The following CEP128 variants were observed in gnomAD, a reference collection of about 807,000 sequenced individuals.
CEP128 encodes the protein centrosomal protein 128kDa.
Under a neutral mutation model 156.7 loss-of-function variants are expected in CEP128, and 132 were observed. That is an observed-to-expected ratio of 0.84 (90% CI 0.73 to 0.97). The LOEUF is 0.97. Among genes scored for constraint, CEP128 ranks in the 50% least tolerant of loss-of-function variants. The pLI is 0.00. For missense variants in CEP128, 1,252 were observed against 1,281.9 expected, an observed-to-expected ratio of 0.98 and a Z score of 0.36; for synonymous variants, 469 against 448.9, an observed-to-expected ratio of 1.04 and a Z score of -0.57.
chr14:80,680,667 A>T (rs1240980715), intron 19 of CEP128, among the ~76,000 whole-genome samples: 3 of 152,144 alleles, frequency 2.0e-5, no homozygotes, highest in African/African-American at 4.8e-5. Flanking sequence ...ATCTCCAAGA[A>T]TCTGAAGGAT....
intron 19 of CEP128, among the ~76,000 whole-genome samples, chr14:80,722,912 C>T (rs1203693566): frequency 6.0e-5 from 9 of 150,960 alleles, no homozygotes; most frequent in African/African-American, 1.5e-4. Flanking sequence ...CTGCAAGCTC[C>T]GCCTCCTGGG....
intron 19 of CEP128, among the ~76,000 whole-genome samples, chr14:80,664,741 G>A (rs1895543265): frequency 6.6e-6 from 1 of 152,114 alleles, no homozygotes; most frequent in South Asian, 2.1e-4. Context: ...TGTGACTGCA[G>A]GATATCTCAG....
chr14:80,527,069 A>G (rs1185013199), intron 22 of CEP128, 87 bp from the exon 23 acceptor site: 3 of 647,268 alleles, frequency 4.6e-6, no homozygotes, highest in African/African-American at 1.8e-5. Context: ...GTCTATATGT[A>G]GATAAAAATG....
intron 19 of CEP128, among the ~76,000 whole-genome samples, chr14:80,682,473 T>C (rs964230280): frequency 9.8e-5 from 15 of 152,348 alleles, no homozygotes; most frequent in African/African-American, 3.4e-4. Context: ...TAGGAATTAT[T>C]GGCATTCCTG....
intron 21 of CEP128, among the ~76,000 whole-genome samples, chr14:80,550,760 A>G (rs189553109): frequency 6.6e-6 from 1 of 151,078 alleles, no homozygotes. Context: ...TAGCATTACA[A>G]TTAATATTAG....
At chr14:80,846,162 A>G (rs911760634) in intron 9 of CEP128, among the ~76,000 whole-genome samples, 15 of 152,232 alleles carry the variant, frequency 9.9e-5, no homozygotes, top group Non-Finnish European at 1.2e-4. Context: ...TAGCAAAGTA[A>G]AAGTGATTAA....
At chr14:80,806,015 T>A (rs1011733913) in intron 13 of CEP128, among the ~76,000 whole-genome samples, 1 of 152,190 alleles carries the variant, frequency 6.6e-6, no homozygotes, top group African/African-American at 2.4e-5. Context: ...AAATAAAACA[T>A]CAGGGGCCAT....
At chr14:80,509,062 C>T (rs1888121716) in intron 23 of CEP128, among the ~76,000 whole-genome samples, 1 of 152,114 alleles carries the variant, frequency 6.6e-6, no homozygotes, top group African/African-American at 2.4e-5. Flanking sequence ...CTTTGAAAAC[C>T]ATCAGATCTT....
chr14:80,772,637 G>T (rs565173254), intron 16 of CEP128, among the ~76,000 whole-genome samples: 3 of 152,132 alleles, frequency 2.0e-5, no homozygotes, highest in African/African-American at 7.2e-5. Context: ...AGGGCCTCAG[G>T]AGTCACAGAC....
At chr14:80,734,615 C>T (rs548999573) in intron 19 of CEP128, among the ~76,000 whole-genome samples, 21 of 151,636 alleles carry the variant, frequency 1.4e-4, no homozygotes, top group African/African-American at 3.6e-4. Context: ...TTTGGGAGGC[C>T]GAGGCGGGCA....
chr14:80,916,684 G>T, intron 2 of CEP128, 122 bp from the exon 3 acceptor site: 1 of 715,772 alleles, frequency 1.4e-6, no homozygotes, highest in Non-Finnish European at 2.2e-6. Context: ...TTTGCACACT[G>T]TAATTTCTAC....
At chr14:80,769,733 C>T (rs1020456538) in intron 16 of CEP128, among the ~76,000 whole-genome samples, 12 of 152,096 alleles carry the variant, frequency 7.9e-5, no homozygotes, top group African/African-American at 2.7e-4. Flanking sequence ...ATATAACAAG[C>T]ACCTCTTAGG....
At position 80,955,982 on chromosome 14, in the gene CEP128, CTGTGTGTGTAGA is replaced by C. The variant is rs1886656060; in HGVS notation, c.-172+2184_-172+2195del. 3.6e-6 allele frequency: 4 copies of C among 1,115,146 alleles called. No homozygotes were observed. In the East Asian group the frequency reaches 7.5e-5, roughly 21 times the overall value. 69.1% of individuals were successfully genotyped at this position (1,115,146 alleles called of 1,614,324 possible). A position where few individuals can be genotyped will look rare whatever the true frequency, so the allele number is the denominator to read the frequency against. ...AGTGTGTGTATGTGTGAGTGAATGT[CTGTGTGTGTAGA>C]TGTGTGTGTGTGCTAAAAACTTAAT... On this transcript the variant is annotated intron_variant, in intron 2 of 7. Transcript: ENST00000555529.
intron 13 of CEP128, chr14:80,822,659 G>T: frequency 1.3e-6 from 1 of 757,596 alleles, no homozygotes; most frequent in Non-Finnish European, 2.4e-6. Flanking sequence ...AAAGGCCCCT[G>T]CAAAGAAGGG....
chr14:80,640,087 G>C (rs1223248944), intron 19 of CEP128, among the ~76,000 whole-genome samples: 4 of 152,072 alleles, frequency 2.6e-5, no homozygotes, highest in Non-Finnish European at 5.9e-5. Context: ...AGAATATTCA[G>C]TAATGGAACT....
intron 19 of CEP128, among the ~76,000 whole-genome samples, chr14:80,731,961 G>C (rs894288978): frequency 1.3e-5 from 2 of 152,112 alleles, no homozygotes; most frequent in Non-Finnish European, 2.9e-5. Flanking sequence ...TAAGTGTGTA[G>C]TTAGAAATTA....
intron 9 of CEP128, among the ~76,000 whole-genome samples, chr14:80,855,490 A>G (rs1887104172): frequency 6.6e-6 from 1 of 152,182 alleles, no homozygotes; most frequent in Admixed American, 6.5e-5. Flanking sequence ...ACAATATAAT[A>G]GGGAAAGGAA....
intron 10 of CEP128, among the ~76,000 whole-genome samples, chr14:80,839,721 C>T (rs1643952079): frequency 6.6e-6 from 1 of 152,124 alleles, no homozygotes; most frequent in South Asian, 2.1e-4. Context: ...CAAAATATAT[C>T]TTTAAATCCC....
rs1322141052 is a variant in CEP128, at chr14:80,502,176, G to A, written c.3181+2736C>T. 2.0e-5 allele frequency among the ~76,000 whole-genome samples: 3 copies of A among 152,176 alleles called. No homozygotes were observed. In the East Asian group the frequency reaches 5.8e-4, roughly 29 times the overall value. On this transcript the variant is annotated intron_variant, in intron 24 of 24. Coordinates refer to ENST00000555265, the MANE Select transcript of CEP128 (RefSeq NM_152446.5). ...CACTGCCGCTTCAATAAAAACTGCT[G>A]CTAACACCACCGGCTTGCCCTTGAA...
Sources: gnomAD v4.1 joint callset for allele counts (sites outside exome capture counted in the v4.1 genomes callset) on GRCh38, gnomAD v4.1.1 for gene constraint, MANE v1.5 for transcripts, NCBI Gene and HGNC (gene_info 2026-07-23, HGNC 2026-07-21) for gene names.